JAKMIP1: variants seen among roughly 807,000 people sequenced by gnomAD.
The protein encoded by JAKMIP1 is janus kinase and microtubule-interacting protein 1.
In JAKMIP1, 33 loss-of-function variants were observed where a neutral mutation model predicts 113.0. The ratio of observed to expected loss-of-function variants is 0.29; its 90% CI spans 0.22 to 0.39. The LOEUF (loss-of-function observed/expected upper bound fraction) is 0.39. Ranked by LOEUF, JAKMIP1 falls within the 10% of genes least tolerant of loss-of-function variation. JAKMIP1 has a pLI of 1.00. For synonymous variants in JAKMIP1, 480 were observed against 459.9 expected, an observed-to-expected ratio of 1.04 and a Z score of -0.56; for missense variants, 813 against 1,080.5, an observed-to-expected ratio of 0.75 and a Z score of 3.47.
Position 6,086,799 on chromosome 4 carries a change from C to T in JAKMIP1, c.625-1170G>A, listed in dbSNP as rs1379435632. On this transcript the variant is annotated intron_variant, in intron 3 of 20. Transcript: ENST00000409021. This position sits in a 1 kb window ranked among gnomAD's most constrained non-coding sequence, Gnocchi z 4.1. ...CAGGGTGGGCCCTTATGACTGGTGTCCTTATGAGAGGAGAAGAGAGACACA... is the reference window on the plus strand; with the variant it reads ...CAGGGTGGGCCCTTATGACTGGTGTTCTTATGAGAGGAGAAGAGAGACACA... 1.3e-5 allele frequency among the ~76,000 whole-genome samples: 2 copies of T among 151,822 alleles called. No individual in the cohort carries two copies. The highest frequency in any genetic ancestry group is 2.9e-5 in the Non-Finnish European group (2 of 67,966).
intron 1 of JAKMIP1, among the ~76,000 whole-genome samples, chr4:6,189,677 C>A (rs1023907994): frequency 2.6e-5 from 4 of 152,204 alleles, no homozygotes; most frequent in African/African-American, 9.6e-5. Flanking sequence ...TCACTGGCAG[C>A]TGCAATACAC....
At chr4:6,054,223 G>A in intron 12 of JAKMIP1, 75 bp from the exon 13 acceptor site, 1 of 1,439,844 alleles carries the variant, frequency 6.9e-7, no homozygotes. Context: ...CCACCTGACT[G>A]AGTGGCTGGA....
At chr4:6,144,796 C>T (rs765451949) in intron 1 of JAKMIP1, among the ~76,000 whole-genome samples, 7 of 152,182 alleles carry the variant, frequency 4.6e-5, no homozygotes, top group South Asian at 2.1e-4. Flanking sequence ...GAAACATTAA[C>T]GCTTTCCCTT....
In JAKMIP1 at chr4:6,184,956, C is replaced by T. The variant is rs1052253434; in HGVS notation, c.-148+15297G>A. On this transcript the variant is annotated intron_variant, in intron 1 of 20. Coordinates refer to ENST00000409021, the MANE Select transcript of JAKMIP1 (RefSeq NM_001099433.2). The surrounding 1 kb of genome is among the most constrained non-coding windows in gnomAD (Gnocchi z 4.5). ...GAAAGAGCAGACTTGCTGAGTCTTC[C>T]GGCCTCCATCTTTCTCCCGTGCTGG... is the stretch of plus-strand genomic sequence containing the variant. Among the ~76,000 whole-genome samples the T allele has an allele frequency of 2.6e-5, 4 of 152,152 alleles. No homozygotes were observed. Among genetic ancestry groups the T allele is most frequent in the Non-Finnish European group, 5.9e-5 (4 of 68,004 alleles).
At chr4:6,058,132 G>A (rs890557167) in intron 11 of JAKMIP1, among the ~76,000 whole-genome samples, 5 of 152,242 alleles carry the variant, frequency 3.3e-5, no homozygotes, top group African/African-American at 1.2e-4. Context: ...CTCAGCCTCA[G>A]ACAGGTGCCA....
Position 6,199,733 on chromosome 4 carries a change from C to A in JAKMIP1, c.-148+520G>T, listed in dbSNP as rs999241285. Reference sequence around the variant, plus strand: ...TGGGCGGCCTCGCCTTCGGGCCCCGCGCCGCCGGGGCGCGGCCCCCAGCTC... The same window carrying A: ...TGGGCGGCCTCGCCTTCGGGCCCCGAGCCGCCGGGGCGCGGCCCCCAGCTC... On this transcript the variant is annotated intron_variant, in intron 1 of 20. Coordinates refer to ENST00000409021, the MANE Select transcript of JAKMIP1 (RefSeq NM_001099433.2). This position sits in a 1 kb window ranked among gnomAD's most constrained non-coding sequence, Gnocchi z 5.6. Among the ~76,000 whole-genome samples the A allele has an allele frequency of 6.6e-6, 1 of 151,462 alleles. No individual in the cohort carries two copies. Among genetic ancestry groups the A allele is most frequent in the Non-Finnish European group, 1.5e-5 (1 of 67,790 alleles).
Position 6,153,163 on chromosome 4 carries a change from A to G in JAKMIP1, c.-147-40166T>C, listed in dbSNP as rs2108988194. Among the ~76,000 whole-genome samples, 1 of 152,184 alleles carries G rather than the reference A, an allele frequency of 6.6e-6. No homozygotes were observed. The highest frequency in any genetic ancestry group is 6.5e-5 in the Admixed American group (1 of 15,292). On this transcript the variant is annotated intron_variant, in intron 1 of 20. Coordinates refer to ENST00000409021, the MANE Select transcript of JAKMIP1 (RefSeq NM_001099433.2). The surrounding 1 kb of genome is among the most constrained non-coding windows in gnomAD (Gnocchi z 4.9). The stretch of plus-strand genomic sequence containing the variant: ...CAAGGCTTCAAAATCAAGCTCTACC[A>G]GACTCTCCTGGCATCCAGCTCACCA...
rs114503029 is a variant in JAKMIP1 at position 6,161,919 on chromosome 4, G to A, written c.-148+38334C>T. 3.7e-3 allele frequency among the ~76,000 whole-genome samples: 557 copies of A among 152,300 alleles called. 6 individuals are homozygous for A. The highest frequency in any genetic ancestry group is 0.013 in the African/African-American group (535 of 41,566). On this transcript the variant is annotated intron_variant, in intron 1 of 20. Coordinates refer to ENST00000409021, the MANE Select transcript of JAKMIP1 (RefSeq NM_001099433.2). ...ATATGTTTGAAAGCTTTCTTGCTGG[G>A]ACACCTGGGAGGACGTGGTGATGTA...
In JAKMIP1 at chr4:6,031,908, C is replaced by T. The variant is rs1200039049; in HGVS notation, c.2380-2127G>A. On this transcript the variant is annotated intron_variant, in intron 19 of 20. Transcript: ENST00000409021. The surrounding 1 kb of genome is among the most constrained non-coding windows in gnomAD (Gnocchi z 4.4). ...GAGCAGAGCTTGGCATTGAGCACTC[C>T]ATATGTTATTTTTTTAAACTGATAA... is the stretch of plus-strand genomic sequence containing the variant. Among the ~76,000 whole-genome samples, 2 of 152,178 alleles carry T rather than the reference C, an allele frequency of 1.3e-5. No individual in the cohort carries two copies. The highest frequency in any genetic ancestry group is 2.9e-5 in the Non-Finnish European group (2 of 68,034).
At chr4:6,121,381 G>A (rs1716693007) in intron 1 of JAKMIP1, among the ~76,000 whole-genome samples, 2 of 152,146 alleles carry the variant, frequency 1.3e-5, no homozygotes, top group Admixed American at 6.5e-5. Context: ...TTCAGGCCCG[G>A]AACAACGTGA....
At chr4:6,111,533 A>G (rs1412380504) in intron 2 of JAKMIP1, among the ~76,000 whole-genome samples, 2 of 152,238 alleles carry the variant, frequency 1.3e-5, no homozygotes, top group African/African-American at 4.8e-5. Flanking sequence ...CCTCATGACC[A>G]TCTTAAACCG....
chr4:6,140,362 C>A lies in JAKMIP1; in HGVS notation c.-147-27365G>T, dbSNP rs1344816996. Among the ~76,000 whole-genome samples the A allele has an allele frequency of 6.6e-6, 1 of 151,932 alleles. No homozygotes were observed. The highest frequency in any genetic ancestry group is 1.9e-4 in the East Asian group (1 of 5,184). The stretch of plus-strand genomic sequence containing the variant: ...ATGATGGGCCGACCATAAATCCCCC[C>A]ACGTGGCGAGGCTGGCTCAGCAGGA... On this transcript the variant is annotated intron_variant, in intron 1 of 20. Coordinates refer to ENST00000409021, the MANE Select transcript of JAKMIP1 (RefSeq NM_001099433.2). The surrounding 1 kb of genome is among the most constrained non-coding windows in gnomAD (Gnocchi z 9.4).
rs770111396 is a variant in JAKMIP1, at chr4:6,171,183, CCAT to C, written c.-148+29067_-148+29069del. On this transcript the variant is annotated intron_variant, in intron 1 of 20. Transcript: ENST00000409021. ...ACCATCTCCATCACCATTACCACCA[CCAT>C]CACCATCATCACCACCATCACCATC... Among the ~76,000 whole-genome samples, 28 of 145,204 alleles carry C rather than the reference CCAT, an allele frequency of 1.9e-4. No homozygotes were observed. The East Asian group carries it at 5.5e-3, about 28-fold the overall frequency.
At chr4:6,060,986 A>C (rs922733015) in intron 10 of JAKMIP1, among the ~76,000 whole-genome samples, 5 of 152,212 alleles carry the variant, frequency 3.3e-5, no homozygotes, top group Non-Finnish European at 7.3e-5. Context: ...TACTTCAAGC[A>C]CCAAGAAAGT....
At chr4:6,171,438 C>CCACCAT (rs1177632364) in intron 1 of JAKMIP1, among the ~76,000 whole-genome samples, 1 of 151,920 alleles carries the variant, frequency 6.6e-6, no homozygotes, top group Non-Finnish European at 1.5e-5. Context: ...ACCACTCTCA[C>CCACCAT]CACCATCACC....
rs1398240908 is a variant in JAKMIP1, at chr4:6,143,600, T to A, written c.-147-30603A>T. Among the ~76,000 whole-genome samples the A allele has an allele frequency of 6.6e-6, 1 of 152,214 alleles. No homozygotes were observed. The highest frequency in any genetic ancestry group is 6.5e-5 in the Admixed American group (1 of 15,278). On this transcript the variant is annotated intron_variant, in intron 1 of 20. Transcript: ENST00000409021. The surrounding 1 kb of genome is among the most constrained non-coding windows in gnomAD (Gnocchi z 4.9). ...TTTCAGTTAATTTTGGCACCTCCCC[T>A]AGAACAGCAGTTCTCTGAGTGAGAT...
rs147190370 is a variant in JAKMIP1 at position 6,042,951 on chromosome 4, G to A, written c.2029-724C>T. On this transcript the variant is annotated intron_variant, in intron 16 of 20. Coordinates refer to ENST00000409021, the MANE Select transcript of JAKMIP1 (RefSeq NM_001099433.2). The surrounding 1 kb of genome is among the most constrained non-coding windows in gnomAD (Gnocchi z 5.2). ...GTAAGGGAGTGGGAGCTCTGTCCAC[G>A]TTCCCTCTGGGGTCTGGGCTGGGGG... is the stretch of plus-strand genomic sequence containing the variant. Among the ~76,000 whole-genome samples the A allele has an allele frequency of 1.6e-4, 24 of 151,978 alleles. 1 individual carries two copies. The highest frequency in any genetic ancestry group is 2.5e-4 in the Non-Finnish European group (17 of 67,970).
intron 12 of JAKMIP1, among the ~76,000 whole-genome samples, chr4:6,056,216 C>A (rs924491585): frequency 6.8e-6 from 1 of 148,024 alleles, no homozygotes; most frequent in Non-Finnish European, 1.5e-5. Context: ...TCCAGGGTGT[C>A]CCCAGAGGAG....
At chr4:6,085,134 C>A (rs1024250494) in intron 4 of JAKMIP1, among the ~76,000 whole-genome samples, 169 bp from the exon 5 acceptor site, 1 of 152,114 alleles carries the variant, frequency 6.6e-6, no homozygotes, top group Non-Finnish European at 1.5e-5. Flanking sequence ...TGCACACCTG[C>A]GGAAGACTCC....
Sources: gnomAD v4.1 joint callset for allele counts (sites outside exome capture counted in the v4.1 genomes callset) on GRCh38, gnomAD v4.1.1 for gene constraint, Gnocchi (gnomAD v3.1) non-coding constraint, MANE v1.5 for transcripts, NCBI Gene and HGNC (gene_info 2026-07-23, HGNC 2026-07-21) for gene names.